The following PCDHGA6 variants were observed in gnomAD, a reference collection of about 807,000 sequenced individuals.
PCDHGA6 encodes protocadherin gamma-A6.
In PCDHGA6, 41 loss-of-function variants were observed where a neutral mutation model predicts 60.6. The observed-to-expected ratio is 0.68, with a 90% CI of 0.53 to 0.88. The LOEUF (loss-of-function observed/expected upper bound fraction) is 0.88, where lower values mean the gene tolerates loss of function less well. Among genes scored for constraint, PCDHGA6 ranks in the 40% least tolerant of loss-of-function variants. The pLI, the probability that PCDHGA6 is intolerant of heterozygous loss-of-function variation, is 0.00. For missense variants in PCDHGA6, 1,312 were observed against 1,203.0 expected (o/e 1.09, Z -1.34); for synonymous variants, 594 against 524.4 (o/e 1.13, Z -1.81).
At chr5:141,465,186 G>T (rs2099098546) in intron 1 of PCDHGA6, among the ~76,000 whole-genome samples, 1 of 151,852 alleles carries the variant, frequency 6.6e-6, no homozygotes, top group African/African-American at 2.4e-5. Flanking sequence ...TTAATTAAAA[G>T]ATAAAAATAA....
chr5:141,404,129 A>G (rs753217773), intron 1 of PCDHGA6: 6 of 1,613,162 alleles, frequency 3.7e-6, no homozygotes, highest in Non-Finnish European at 5.1e-6. Context: ...TCTATCTTTT[A>G]CATTAGAAAA....
chr5:141,477,845 GT>G lies in PCDHGA6; in HGVS notation c.2425-16961del, dbSNP rs1562065234. ...ATATCCTCGGCCAGGTGGGAGCTCG[GT>G]GGAGATGCTGCCTCGAGGTACCTCA... is the stretch of plus-strand genomic sequence containing the variant. On this transcript the variant is annotated intron_variant, in intron 1 of 3. Coordinates refer to ENST00000517434, the MANE Select transcript of PCDHGA6 (RefSeq NM_018919.3). This position sits in a 1 kb window ranked among gnomAD's most constrained non-coding sequence, Gnocchi z 4.9. 1 of 1,614,038 alleles carries G rather than the reference GT, an allele frequency of 6.2e-7. No homozygotes were observed. Among genetic ancestry groups the G allele is most frequent in the East Asian group, 2.2e-5 (1 of 44,896 alleles).
chr5:141,509,320 C>T (rs1261653347), intron 3 of PCDHGA6, among the ~76,000 whole-genome samples: 2 of 152,194 alleles, frequency 1.3e-5, no homozygotes, highest in East Asian at 3.8e-4. Flanking sequence ...GGGAGAGAAG[C>T]TCTACTGCCA....
chr5:141,423,569 TC>T (rs2096755253), intron 1 of PCDHGA6: 1 of 1,613,362 alleles, frequency 6.2e-7, no homozygotes, highest in Non-Finnish European at 8.5e-7. Context: ...GACACGCTCA[TC>T]AGCCAGGAGA....
intron 1 of PCDHGA6, chr5:141,478,485 G>C (rs2099459345): frequency 1.2e-6 from 2 of 1,613,204 alleles, no homozygotes; most frequent in East Asian, 4.5e-5. Flanking sequence ...AACACGCTGC[G>C]GAGCTGTGAT....
intron 2 of PCDHGA6, among the ~76,000 whole-genome samples, chr5:141,502,866 C>CTTTTTTCTT (rs2099816532): frequency 7.8e-6 from 1 of 128,046 alleles, no homozygotes; most frequent in African/African-American, 3.1e-5. Context: ...GACTCTCTGT[C>CTTTTTTCTT]TTTTTTTTTT....
At chr5:141,419,674 C>T (rs372932653) in intron 1 of PCDHGA6, 48 of 1,612,820 alleles carry the variant, frequency 3.0e-5, no homozygotes, top group Non-Finnish European at 3.7e-5. Context: ...CCTGGCTGTC[C>T]TACCACGTGG....
Position 141,432,046 on chromosome 5 carries a change from C to G in PCDHGA6, c.2424+55539C>G, listed in dbSNP as rs1389286417. The G allele has an allele frequency of 6.2e-7, 1 of 1,614,224 alleles. No individual in the cohort carries two copies. The highest frequency in any genetic ancestry group is 2.2e-5 in the East Asian group (1 of 44,886). The stretch of plus-strand genomic sequence containing the variant: ...CAGTGACCGCCACTGACCGGGGAAC[C>G]CCGCCCCTATCCACGGAAACTCATA... On this transcript the variant is annotated intron_variant, in intron 1 of 3. Coordinates refer to ENST00000517434, the MANE Select transcript of PCDHGA6 (RefSeq NM_018919.3). This position sits in a 1 kb window ranked among gnomAD's most constrained non-coding sequence, Gnocchi z 6.0.
rs564439931 is a variant in PCDHGA6 at position 141,490,480 on chromosome 5, C to T, written c.2425-4327C>T. On this transcript the variant is annotated intron_variant, in intron 1 of 3. Coordinates refer to ENST00000517434, the MANE Select transcript of PCDHGA6 (RefSeq NM_018919.3). The surrounding 1 kb of genome is among the most constrained non-coding windows in gnomAD (Gnocchi z 5.4). ...GCTGCTAACCAGCCAGCCTTTGGAC[C>T]GGGAGGCCACATCCCACTATATCAT... The T allele has an allele frequency of 3.5e-5, 56 of 1,614,194 alleles. No individual in the cohort carries two copies. Among genetic ancestry groups the T allele is most frequent in the Admixed American group, 1.5e-4 (9 of 60,022 alleles).
chr5:141,403,787 T>A (rs1213408515), intron 1 of PCDHGA6: 3 of 1,613,818 alleles, frequency 1.9e-6, no homozygotes, highest in Non-Finnish European at 2.5e-6. Flanking sequence ...AAAAGTGGCA[T>A]ACAAATTCTG....
chr5:141,426,718 C>G, intron 1 of PCDHGA6: 1 of 446,166 alleles, frequency 2.2e-6, no homozygotes, highest in Non-Finnish European at 4.6e-6. Flanking sequence ...AATGAACTAG[C>G]AATTCCAGGC....
intron 1 of PCDHGA6, among the ~76,000 whole-genome samples, chr5:141,425,997 A>T (rs1365887915): frequency 6.6e-6 from 1 of 152,174 alleles, no homozygotes; most frequent in African/African-American, 2.4e-5. Context: ...GAATTAGCAA[A>T]GGCTTCCGGC....
chr5:141,405,467 T>G lies in PCDHGA6; in HGVS notation c.2424+28960T>G. On this transcript the variant is annotated intron_variant, in intron 1 of 3. Transcript: ENST00000517434. The stretch of plus-strand genomic sequence containing the variant: ...CAGAGTCTTACTCTGTTACCCAGGC[T>G]GGAATGCAGTGGTGTGATCTCGGCT... 3.6e-6 allele frequency: 4 copies of G among 1,103,716 alleles called. No individual in the cohort carries two copies. The South Asian group carries it at 6.1e-5, about 17-fold the overall frequency. 68.4% of individuals were successfully genotyped at this position (1,103,716 alleles called of 1,614,324 possible). A position where few individuals can be genotyped will look rare whatever the true frequency, so the allele number is the denominator to read the frequency against.
chr5:141,400,376 T>C (rs534277122), intron 1 of PCDHGA6: 1 of 1,614,070 alleles, frequency 6.2e-7, no homozygotes, highest in East Asian at 2.2e-5. Flanking sequence ...TCCTACAACC[T>C]ATGTGTTGCA....
rs186469397 is a variant in PCDHGA6 at position 141,376,362 on chromosome 5, C to G, written c.2279C>G (p.Thr760Ser). ...ACCTATTCCCACGAGGTCTCACTCA[C>G]TGCAGACTCGCGTAAGAGTCATCTG... ...LQTYSHEVSL[T>S]ADSRKSHLIF... The change falls in exon 1 of 4, where the codon ACT becomes AGT. Residue 760 changes from threonine (T) to serine (S), a missense_variant. Physicochemically the swap from Thr to Ser is moderately conservative, Grantham distance 58. Transcript: ENST00000517434. 5.1e-3 allele frequency: 8,179 copies of G among 1,614,250 alleles called. 35 individuals carry two copies. The highest frequency in any genetic ancestry group is 6.1e-3 in the Non-Finnish European group (7,170 of 1,180,044).
At chr5:141,478,496 C>G in intron 1 of PCDHGA6, 1 of 1,613,014 alleles carries the variant, frequency 6.2e-7, no homozygotes, top group Non-Finnish European at 8.5e-7. Flanking sequence ...GAGCTGTGAT[C>G]CGGTGTTCTA....
chr5:141,420,199 C>T (rs764130526), intron 1 of PCDHGA6: 12 of 1,613,362 alleles, frequency 7.4e-6, no homozygotes, highest in Non-Finnish European at 1.0e-5. Context: ...CACAAGATAA[C>T]CTCAACAAAG....
intron 2 of PCDHGA6, among the ~76,000 whole-genome samples, chr5:141,502,827 A>G (rs1003204508): frequency 2.7e-5 from 4 of 150,478 alleles, no homozygotes; most frequent in African/African-American, 9.8e-5. Flanking sequence ...TCCTTGGGGA[A>G]GCCTGGACTG....
At chr5:141,508,193 C>T (rs1426786164) in intron 3 of PCDHGA6, 1 of 152,326 alleles carries the variant, frequency 6.6e-6, no homozygotes, top group Non-Finnish European at 1.5e-5. Flanking sequence ...ATCACCCCCA[C>T]CTCGTCCAGG....
Sources: allele counts gnomAD v4.1 joint callset (sites outside exome capture counted in the v4.1 genomes callset), GRCh38; gene constraint gnomAD v4.1.1; non-coding constraint Gnocchi (gnomAD v3.1); transcripts MANE v1.5; gene names NCBI Gene and HGNC (gene_info 2026-07-23, HGNC 2026-07-21).